The following PGCKA1 variants were observed in gnomAD, a reference collection of about 807,000 sequenced individuals.
The protein encoded by PGCKA1 is PDCD10 and GCKIII kinases-associated protein 1.
chr4:37,481,641 T>C, the PGCKA1 span, among the ~76,000 whole-genome samples: 4 of 152,158 alleles, frequency 2.6e-5, no homozygotes, highest in African/African-American at 9.7e-5. Flanking sequence ...ATCTCCTCTT[T>C]TTATAAAGAC....
chr4:37,474,770 T>A, the PGCKA1 span, among the ~76,000 whole-genome samples: 1 of 152,138 alleles, frequency 6.6e-6, no homozygotes, highest in Admixed American at 6.6e-5. Flanking sequence ...TTAGCGAAGG[T>A]CTGTGTAACT....
At chr4:37,454,430 T>G in the PGCKA1 span, among the ~76,000 whole-genome samples, 2 of 152,180 alleles carry the variant, frequency 1.3e-5, no homozygotes, top group African/African-American at 4.8e-5. Flanking sequence ...AGATTTTACC[T>G]TAGATCTGTG....
the PGCKA1 span, among the ~76,000 whole-genome samples, chr4:37,550,361 C>A: frequency 6.9e-6 from 1 of 143,948 alleles, no homozygotes. Context: ...AAAAGTTACA[C>A]AGTAAAAAAA....
chr4:37,462,983 AAGT>A, the PGCKA1 span, among the ~76,000 whole-genome samples: 1 of 151,322 alleles, frequency 6.6e-6, no homozygotes, highest in South Asian at 2.1e-4. Flanking sequence ...AAAAAAAAAA[AAGT>A]CCGTAGATGA....
the PGCKA1 span, among the ~76,000 whole-genome samples, chr4:37,460,027 C>T: frequency 6.6e-6 from 1 of 152,104 alleles, no homozygotes; most frequent in East Asian, 1.9e-4. Context: ...TGTTGTTCCC[C>T]TCCCTGTGTT....
At chr4:37,546,936 T>A in the PGCKA1 span, among the ~76,000 whole-genome samples, 1 of 152,230 alleles carries the variant, frequency 6.6e-6, no homozygotes, top group Admixed American at 6.5e-5. Flanking sequence ...GACCAGTCTT[T>A]GGAACTTGCC....
chr4:37,500,739 A>C, the PGCKA1 span, among the ~76,000 whole-genome samples: 1 of 152,124 alleles, frequency 6.6e-6, no homozygotes, highest in Admixed American at 6.5e-5. Flanking sequence ...TCCCAGTATT[A>C]TTGTGTGGGA....
At chr4:37,457,259 A>G in the PGCKA1 span, among the ~76,000 whole-genome samples, 527 of 152,272 alleles carry the variant, frequency 3.5e-3, 1 homozygote, top group African/African-American at 0.012. Context: ...ACACCCTGAC[A>G]TTTGATTGTT....
the PGCKA1 span, among the ~76,000 whole-genome samples, chr4:37,481,890 T>A: frequency 6.6e-6 from 1 of 152,166 alleles, no homozygotes; most frequent in African/African-American, 2.4e-5. Context: ...TATGCTATTC[T>A]CATAATAGTG....
chr4:37,515,860 G>C, the PGCKA1 span, among the ~76,000 whole-genome samples: 4 of 152,164 alleles, frequency 2.6e-5, no homozygotes, highest in East Asian at 7.7e-4. Flanking sequence ...CTGTTTATAA[G>C]AGCAATGTTT....
the PGCKA1 span, among the ~76,000 whole-genome samples, chr4:37,537,055 C>T: frequency 1.3e-5 from 2 of 152,204 alleles, no homozygotes; most frequent in Non-Finnish European, 2.9e-5. Context: ...CCAGTGGCAT[C>T]ATAATTACAT....
the PGCKA1 span, among the ~76,000 whole-genome samples, chr4:37,523,328 C>T: frequency 2.0e-5 from 3 of 152,182 alleles, no homozygotes; most frequent in South Asian, 6.2e-4. Context: ...GAGATGCTCT[C>T]TGCACCACGC....
At chr4:37,573,646 G>A in the PGCKA1 span, among the ~76,000 whole-genome samples, 1 of 152,128 alleles carries the variant, frequency 6.6e-6, no homozygotes, top group Non-Finnish European at 1.5e-5. Context: ...AGGGTATTCT[G>A]TTGAGTAAAG....
At chr4:37,570,406 A>T in the PGCKA1 span, among the ~76,000 whole-genome samples, 2 of 145,230 alleles carry the variant, frequency 1.4e-5, no homozygotes, top group African/African-American at 5.2e-5. Context: ...AAGACTGCCC[A>T]AAAGAGTAGG....
the PGCKA1 span, among the ~76,000 whole-genome samples, chr4:37,507,979 T>G: frequency 6.6e-6 from 1 of 152,294 alleles, no homozygotes; most frequent in South Asian, 2.1e-4. Flanking sequence ...TTTTATTCCT[T>G]GAGCACCTTA....
At chr4:37,547,627 A>G in the PGCKA1 span, among the ~76,000 whole-genome samples, 1 of 152,218 alleles carries the variant, frequency 6.6e-6, no homozygotes, top group Non-Finnish European at 1.5e-5. Context: ...GTATGACCCA[A>G]GGTAACCTGT....
the PGCKA1 span, among the ~76,000 whole-genome samples, chr4:37,543,033 C>T: frequency 6.6e-6 from 1 of 152,222 alleles, no homozygotes; most frequent in Non-Finnish European, 1.5e-5. Flanking sequence ...CACTCTTTCT[C>T]ATGACTTTCT....
At chr4:37,527,338 G>A in the PGCKA1 span, among the ~76,000 whole-genome samples, 76,228 of 151,930 alleles carry the variant, frequency 0.5, 19,976 homozygotes, top group African/African-American at 0.64. Context: ...CAGTGTTTAT[G>A]AAGTCTCCAG....
At chr4:37,496,460 G>A in the PGCKA1 span, among the ~76,000 whole-genome samples, 2 of 152,106 alleles carry the variant, frequency 1.3e-5, no homozygotes, top group Admixed American at 6.6e-5. Flanking sequence ...CCATTGGTCT[G>A]TGTGTCTGCT....
Sources: gnomAD v4.1 joint callset for allele counts (sites outside exome capture counted in the v4.1 genomes callset) on GRCh38, gnomAD v4.1.1 for gene constraint, MANE v1.5 for transcripts, NCBI Gene and HGNC (gene_info 2026-07-23, HGNC 2026-07-21) for gene names.